Variants in SLC2A13 observed in about 807,000 individuals in gnomAD.
The protein encoded by SLC2A13 is proton myo-inositol cotransporter.
A neutral mutation model predicts 64.4 loss-of-function variants in SLC2A13; 32 were observed. The ratio of observed to expected loss-of-function variants is 0.50; its 90% CI spans 0.37 to 0.67. The LOEUF (loss-of-function observed/expected upper bound fraction) is 0.67. Ranked by LOEUF, SLC2A13 falls within the 30% of genes least tolerant of loss-of-function variation. SLC2A13 has a pLI of 0.00. For synonymous variants in SLC2A13, 338 were observed against 327.1 expected (o/e 1.03, Z -0.36); for missense variants, 743 against 829.2 (o/e 0.90, Z 1.28).
chr12:40,097,080 C>CCAAT (rs1399555324), intron 1 of SLC2A13, among the ~76,000 whole-genome samples: 1 of 152,092 alleles, frequency 6.6e-6, no homozygotes, highest in Non-Finnish European at 1.5e-5. Flanking sequence ...AAGGAAAATA[C>CCAAT]CAATGTTCCT....
Position 39,759,801 on chromosome 12 carries a change from T to G in SLC2A13, c.*225A>C, listed in dbSNP as rs1940068625. 2 of 503,726 alleles carry G rather than the reference T, an allele frequency of 4.0e-6. No homozygotes were observed. Among genetic ancestry groups the G allele is most frequent in the South Asian group, 5.4e-5 (2 of 36,920 alleles). The allele number at this position is 503,726 out of a possible 1,614,324, so 31.2% of individuals were successfully genotyped here. ...GGCATTACACACATTTGCTTAAGAA[T>G]TATTAGATTAAAATCTCTGTAAATA... On this transcript the variant is annotated 3_prime_UTR_variant, in exon 10 of 10. Transcript: ENST00000280871.
chr12:39,935,764 T>G (rs1201671761), intron 4 of SLC2A13, among the ~76,000 whole-genome samples: 1 of 152,188 alleles, frequency 6.6e-6, no homozygotes, highest in African/African-American at 2.4e-5. Context: ...CTATTTCAGC[T>G]AGGGAGAATG....
intron 6 of SLC2A13, among the ~76,000 whole-genome samples, chr12:39,838,443 T>G (rs1943082350): frequency 6.7e-6 from 1 of 148,678 alleles, no homozygotes; most frequent in South Asian, 2.1e-4. Context: ...TATACATATG[T>G]AACTAACCTG....
At chr12:39,969,531 T>C (rs1946600866) in intron 3 of SLC2A13, among the ~76,000 whole-genome samples, 1 of 152,260 alleles carries the variant, frequency 6.6e-6, no homozygotes, top group Non-Finnish European at 1.5e-5. Context: ...GGTTTTGATT[T>C]GCATTTCTCT....
At chr12:39,918,950 A>C (rs1266338424) in intron 4 of SLC2A13, among the ~76,000 whole-genome samples, 1 of 151,536 alleles carries the variant, frequency 6.6e-6, no homozygotes, top group Non-Finnish European at 1.5e-5. Context: ...ACACACACAC[A>C]CACACACGTG....
intron 2 of SLC2A13, among the ~76,000 whole-genome samples, chr12:40,041,261 C>T (rs1419070832): frequency 1.3e-5 from 2 of 152,104 alleles, no homozygotes; most frequent in East Asian, 3.9e-4. Flanking sequence ...CCACCAAAGG[C>T]CGGCCTTCCC....
intron 3 of SLC2A13, among the ~76,000 whole-genome samples, chr12:40,016,993 C>T (rs1947631494): frequency 6.6e-6 from 1 of 152,182 alleles, no homozygotes. Context: ...AGACATTCAA[C>T]AAATAGTCAT....
intron 4 of SLC2A13, among the ~76,000 whole-genome samples, chr12:39,873,292 C>G (rs1041751191): frequency 1.3e-5 from 2 of 152,166 alleles, no homozygotes; most frequent in African/African-American, 4.8e-5. Context: ...TGGAATTACT[C>G]CCATCATCAT....
In SLC2A13 at chr12:39,811,669, C is replaced by T. The variant is rs181201498; in HGVS notation, c.1445+18434G>A. ...GAAGCTCTATTATTAGAGGAATATA[C>T]ATTTAAGAATTGTATGTCTTGATGA... On this transcript the variant is annotated intron_variant, in intron 7 of 9. Transcript: ENST00000280871. Among the ~76,000 whole-genome samples the T allele has an allele frequency of 1.8e-3, 274 of 152,196 alleles. 2 individuals carry two copies. The highest frequency in any genetic ancestry group is 3.0e-3 in the Non-Finnish European group (202 of 67,970).
At chr12:39,910,259 A>C (rs1303873458) in intron 4 of SLC2A13, among the ~76,000 whole-genome samples, 1 of 152,154 alleles carries the variant, frequency 6.6e-6, no homozygotes, top group Non-Finnish European at 1.5e-5. Context: ...TTTAATAAAT[A>C]TATCTGTATC....
At chr12:39,956,616 G>A (rs1946317898) in intron 3 of SLC2A13, among the ~76,000 whole-genome samples, 1 of 152,088 alleles carries the variant, frequency 6.6e-6, no homozygotes, top group Admixed American at 6.5e-5. Context: ...ACACAAGGGG[G>A]TTATTAGAAA....
At chr12:40,060,925 A>G (rs1337349836) in intron 1 of SLC2A13, among the ~76,000 whole-genome samples, 1 of 152,198 alleles carries the variant, frequency 6.6e-6, no homozygotes, top group Non-Finnish European at 1.5e-5. Flanking sequence ...ATCAAAAGAC[A>G]TGACAACAAT....
intron 1 of SLC2A13, among the ~76,000 whole-genome samples, chr12:40,074,116 T>C (rs1204326976): frequency 1.3e-5 from 2 of 152,076 alleles, no homozygotes; most frequent in African/African-American, 4.8e-5. Context: ...TCCTCAAGCT[T>C]GGACATTCTT....
At chr12:39,831,476 A>G (rs118107643) in intron 6 of SLC2A13, among the ~76,000 whole-genome samples, 227 of 152,326 alleles carry the variant, frequency 1.5e-3, no homozygotes, top group Non-Finnish European at 2.6e-3. Flanking sequence ...AAGACATACA[A>G]GTTGTCTGAA....
intron 1 of SLC2A13, among the ~76,000 whole-genome samples, chr12:40,076,536 T>G (rs963346360): frequency 6.6e-6 from 1 of 152,212 alleles, no homozygotes; most frequent in East Asian, 1.9e-4. Flanking sequence ...ATGTACATTT[T>G]CTTTATCCAG....
At chr12:39,776,341 A>G (rs566949101) in intron 7 of SLC2A13, among the ~76,000 whole-genome samples, 13 of 152,322 alleles carry the variant, frequency 8.5e-5, no homozygotes, top group African/African-American at 3.1e-4. Context: ...CTCGCCACCA[A>G]GCACAAGTGG....
intron 6 of SLC2A13, among the ~76,000 whole-genome samples, chr12:39,834,692 T>A (rs1942960157): frequency 6.6e-6 from 1 of 152,046 alleles, no homozygotes; most frequent in African/African-American, 2.4e-5. Context: ...TTTGTGCTAA[T>A]CTGGACTAAG....
intron 4 of SLC2A13, among the ~76,000 whole-genome samples, chr12:39,888,729 CACAG>C (rs1944527601): frequency 6.6e-6 from 1 of 152,184 alleles, no homozygotes; most frequent in Admixed American, 6.5e-5. Context: ...AGTTTGTCAA[CACAG>C]ACAATCTTTT....
chr12:40,092,442 G>C (rs1938798999), intron 1 of SLC2A13, among the ~76,000 whole-genome samples: 1 of 152,038 alleles, frequency 6.6e-6, no homozygotes, highest in Non-Finnish European at 1.5e-5. Context: ...GATTTAAAAG[G>C]ATCAGATCAA....
Sources: gnomAD v4.1 joint callset for allele counts (sites outside exome capture counted in the v4.1 genomes callset) on GRCh38, gnomAD v4.1.1 for gene constraint, MANE v1.5 for transcripts, NCBI Gene and HGNC (gene_info 2026-07-23, HGNC 2026-07-21) for gene names.